The following ULK4 variants were observed in gnomAD, a reference collection of about 807,000 sequenced individuals.
The protein encoded by ULK4 is unc-51 like kinase 4.
Under a neutral mutation model 160.6 loss-of-function variants are expected in ULK4, and 133 were observed. The observed-to-expected ratio is 0.83, with a 90% CI of 0.72 to 0.96. The LOEUF is 0.96. ULK4 is among the 40% of genes least tolerant of loss of function. ULK4 has a pLI of 0.00. For synonymous variants in ULK4, 534 were observed against 539.8 expected (o/e 0.99, Z 0.15); for missense variants, 1,580 against 1,499.5 (o/e 1.05, Z -0.89).
At chr3:41,716,486 A>C (rs2037273791) in intron 23 of ULK4, among the ~76,000 whole-genome samples, 1 of 152,158 alleles carries the variant, frequency 6.6e-6, no homozygotes, top group South Asian at 2.1e-4. Flanking sequence ...TTTGAGGTAA[A>C]AAAGCTTACA....
At chr3:41,457,894 G>C (rs2083591579) in intron 33 of ULK4, among the ~76,000 whole-genome samples, 1 of 152,190 alleles carries the variant, frequency 6.6e-6, no homozygotes, top group African/African-American at 2.4e-5. Context: ...AGGCGATAGA[G>C]GATGCTAGCC....
chr3:41,674,242 A>G (rs1316098771), intron 29 of ULK4, among the ~76,000 whole-genome samples: 1 of 152,204 alleles, frequency 6.6e-6, no homozygotes, highest in African/African-American at 2.4e-5. Flanking sequence ...CACCTTATGT[A>G]ACAAGTCTCA....
intron 32 of ULK4, among the ~76,000 whole-genome samples, chr3:41,493,475 A>C (rs2084870041): frequency 7.8e-6 from 1 of 128,758 alleles, no homozygotes; most frequent in Admixed American, 7.6e-5. Context: ...AAGAGAAAGC[A>C]AGAAAGATCC....
At chr3:41,410,679 T>TA (rs1352217179) in intron 34 of ULK4, among the ~76,000 whole-genome samples, 2 of 152,144 alleles carry the variant, frequency 1.3e-5, no homozygotes, top group African/African-American at 4.8e-5. Context: ...AAAACTGTTA[T>TA]AAAAAATGCT....
At chr3:41,787,887 C>T (rs78142248) in intron 21 of ULK4, among the ~76,000 whole-genome samples, 2,236 of 152,200 alleles carry the variant, frequency 0.015, 53 homozygotes, top group African/African-American at 0.051. Context: ...ACCTATTTTA[C>T]TGCTTTTGTG....
At chr3:41,487,655 C>T (rs1017508286) in intron 32 of ULK4, among the ~76,000 whole-genome samples, 11 of 152,016 alleles carry the variant, frequency 7.2e-5, no homozygotes, top group Non-Finnish European at 1.6e-4. Context: ...CAGGCTAAAT[C>T]TCTACACTTC....
chr3:41,931,545 C>T (rs150987328), intron 5 of ULK4, among the ~76,000 whole-genome samples: 4 of 151,606 alleles, frequency 2.6e-5, no homozygotes, highest in East Asian at 1.9e-4. Flanking sequence ...TCTATTGAGC[C>T]GCTAATGTGC....
chr3:41,390,677 TTGAG>T (rs369800334), intron 35 of ULK4, among the ~76,000 whole-genome samples: 3,891 of 152,236 alleles, frequency 0.026, 160 homozygotes, highest in African/African-American at 0.087. Context: ...TTGAGCGGTT[TTGAG>T]TGAGTTTCTT....
chr3:41,612,619 G>C (rs2032741011), intron 31 of ULK4, among the ~76,000 whole-genome samples: 1 of 152,180 alleles, frequency 6.6e-6, no homozygotes, highest in Non-Finnish European at 1.5e-5. Context: ...TATTTAACCA[G>C]TTTGAATCCA....
chr3:41,698,606 A>G (rs2036573999), intron 27 of ULK4, among the ~76,000 whole-genome samples: 1 of 152,224 alleles, frequency 6.6e-6, no homozygotes, highest in Non-Finnish European at 1.5e-5. Flanking sequence ...GTTTCAGATA[A>G]GGGATAATCA....
chr3:41,667,183 A>C lies in ULK4; in HGVS notation c.2979-3484T>G, dbSNP rs181881732. 1.1e-3 allele frequency among the ~76,000 whole-genome samples: 163 copies of C among 151,906 alleles called. 1 individual carries two copies. Among genetic ancestry groups the C allele is most frequent in the African/African-American group, 3.4e-3 (140 of 41,464 alleles). ...AAAAAAAAAGAAAAACACACACACA[A>C]AAAAAACACTGCTGAAACATTACTG... is the stretch of plus-strand genomic sequence containing the variant. On this transcript the variant is annotated intron_variant, in intron 29 of 36. Transcript: ENST00000301831.
intron 32 of ULK4, among the ~76,000 whole-genome samples, chr3:41,560,892 A>G (rs2087539118): frequency 1.3e-5 from 2 of 152,228 alleles, no homozygotes; most frequent in South Asian, 2.1e-4. Flanking sequence ...AGGAACTTCA[A>G]ACACTATGTT....
intron 31 of ULK4, among the ~76,000 whole-genome samples, chr3:41,579,384 T>C (rs952094611): frequency 6.6e-6 from 1 of 151,338 alleles, no homozygotes; most frequent in African/African-American, 2.4e-5. Flanking sequence ...GAAAACTGAG[T>C]CCAATGAGGC....
chr3:41,935,650 C>T lies in ULK4; in HGVS notation c.378+151G>A, dbSNP rs978856077. 79 of 930,684 alleles carry T rather than the reference C, an allele frequency of 8.5e-5. No homozygotes were observed. In the African/African-American group the frequency reaches 1.2e-3, roughly 14 times the overall value. The allele number at this position is 930,684 out of a possible 1,614,324, so 57.7% of individuals were successfully genotyped here. A position where few individuals can be genotyped will look rare whatever the true frequency, so the allele number is the denominator to read the frequency against. On this transcript the variant is annotated intron_variant, in intron 4 of 36. Transcript: ENST00000301831. The stretch of plus-strand genomic sequence containing the variant: ...TGCTAGGATTACAGGCATGAGCCAC[C>T]GTGCCCTGCCTCCTTTTATTTTAAA...
intron 31 of ULK4, among the ~76,000 whole-genome samples, chr3:41,581,551 T>C (rs1009191614): frequency 1.1e-4 from 16 of 152,246 alleles, no homozygotes; most frequent in Admixed American, 3.3e-4. Context: ...ATAGACTATT[T>C]TGAAAAAAGT....
At chr3:41,724,202 C>T (rs1435068300) in intron 22 of ULK4, among the ~76,000 whole-genome samples, 1 of 152,170 alleles carries the variant, frequency 6.6e-6, no homozygotes, top group Non-Finnish European at 1.5e-5. Flanking sequence ...CCATAATTTA[C>T]TTACTCGTTT....
intron 16 of ULK4, among the ~76,000 whole-genome samples, chr3:41,891,664 T>C (rs1307907121): frequency 6.6e-6 from 1 of 152,074 alleles, no homozygotes; most frequent in Non-Finnish European, 1.5e-5. Flanking sequence ...CCCAGCACTT[T>C]GGGAGGCCAG....
intron 17 of ULK4, chr3:41,882,360 G>A (rs996992023): frequency 1.4e-6 from 1 of 690,294 alleles, no homozygotes; most frequent in Non-Finnish European, 2.6e-6. Context: ...GAACAATGGG[G>A]TTTGGAAATT....
intron 30 of ULK4, among the ~76,000 whole-genome samples, chr3:41,649,499 C>T (rs1238959348): frequency 6.6e-6 from 1 of 152,188 alleles, no homozygotes; most frequent in Non-Finnish European, 1.5e-5. Flanking sequence ...AGTGCCTGCT[C>T]CTGCTCCCTG....
Sources: allele counts gnomAD v4.1 joint callset (sites outside exome capture counted in the v4.1 genomes callset), GRCh38; gene constraint gnomAD v4.1.1; transcripts MANE v1.5; gene names NCBI Gene and HGNC (gene_info 2026-07-23, HGNC 2026-07-21).